LRRC37A3: variants seen among roughly 807,000 people sequenced by gnomAD.
LRRC37A3 encodes leucine-rich repeat-containing protein 37A3.
LRRC37A3 carries 25 observed loss-of-function variants against 106.2 expected under a neutral mutation model. That is an observed-to-expected ratio of 0.24 (90% CI 0.17 to 0.33). The LOEUF (loss-of-function observed/expected upper bound fraction) is 0.33. LRRC37A3 is among the 10% of genes least tolerant of loss of function. The pLI, the probability that LRRC37A3 is intolerant of heterozygous loss-of-function variation, is 1.00. For synonymous variants in LRRC37A3, 305 were observed against 635.8 expected (o/e 0.48, Z 7.83); for missense variants, 712 against 1,644.9 (o/e 0.43, Z 9.81).
At chr17:64,883,108 T>C (rs1973758557) in intron 8 of LRRC37A3, among the ~76,000 whole-genome samples, 2 of 152,216 alleles carry the variant, frequency 1.3e-5, no homozygotes, top group Admixed American at 6.5e-5. Flanking sequence ...GATATGATTA[T>C]TGCCCCCATT....
chr17:64,870,017 T>C lies in LRRC37A3; in HGVS notation c.2907-851A>G, dbSNP rs561763490. Among the ~76,000 whole-genome samples the C allele has an allele frequency of 2.3e-3, 350 of 151,180 alleles. 1 individual carries two copies. Among genetic ancestry groups the C allele is most frequent in the African/African-American group, 8.0e-3 (327 of 40,740 alleles). ...GTATGACATCACAGCCTTTCTTACA[T>C]TGCATGTAATCACCTGTCCACTTGT... On this transcript the variant is annotated intron_variant, in intron 8 of 14. Transcript: ENST00000584306.
chr17:64,877,487 C>G (rs1451481107), intron 8 of LRRC37A3, among the ~76,000 whole-genome samples: 2 of 152,196 alleles, frequency 1.3e-5, no homozygotes, highest in Non-Finnish European at 2.9e-5. Flanking sequence ...CAGGCATGAG[C>G]CACTGCACCC....
In LRRC37A3 at chr17:64,858,880, T is replaced by C; in HGVS notation, c.4708A>G (p.Thr1570Ala). ...TAGCCATATCCTGGAAGTTCTTTTG[T>C]GAACTAAAAAAAAAAAAACCAGAAT... is the stretch of plus-strand genomic sequence containing the variant. ...SEQKEKSLEF[T>A]KELPGYGYTK... Residue 1570 changes from threonine (T) to alanine (A), a missense_variant, in exon 13 of 15, where the codon ACA becomes GCA. Coordinates refer to ENST00000584306, the MANE Select transcript of LRRC37A3 (RefSeq NM_199340.5). The C allele has an allele frequency of 1.9e-6, 3 of 1,594,846 alleles. No individual in the cohort carries two copies. The highest frequency in any genetic ancestry group is 2.6e-6 in the Non-Finnish European group (3 of 1,171,090).
intron 8 of LRRC37A3, among the ~76,000 whole-genome samples, chr17:64,882,723 T>A (rs925053550): frequency 4.0e-5 from 6 of 151,762 alleles, no homozygotes; most frequent in African/African-American, 1.5e-4. Flanking sequence ...TGGCCACACC[T>A]ACCTCACTAA....
chr17:64,909,007 T>C (rs1974525015), intron 2 of LRRC37A3, among the ~76,000 whole-genome samples: 1 of 151,996 alleles, frequency 6.6e-6, no homozygotes, highest in South Asian at 2.1e-4. Flanking sequence ...ACTCCTCACC[T>C]CAGGTGATCC....
At chr17:64,908,888 C>T (rs1434804249) in intron 2 of LRRC37A3, among the ~76,000 whole-genome samples, 1 of 142,046 alleles carries the variant, frequency 7.0e-6, no homozygotes, top group Non-Finnish European at 1.5e-5. Flanking sequence ...CACAGGGATA[C>T]TCTGCCTCTC....
At chr17:64,876,706 C>T (rs1264364450) in intron 8 of LRRC37A3, among the ~76,000 whole-genome samples, 1 of 151,964 alleles carries the variant, frequency 6.6e-6, no homozygotes, top group Non-Finnish European at 1.5e-5. Flanking sequence ...AGACCTATGT[C>T]AAGTAAAGAG....
At chr17:64,866,630 T>TA (rs1973117797) in intron 10 of LRRC37A3, among the ~76,000 whole-genome samples, 37 of 15,590 alleles carry the variant, frequency 2.4e-3, no homozygotes, top group Non-Finnish European at 3.9e-3. Flanking sequence ...ATATATATAT[T>TA]TTTTTTTTTT....
At chr17:64,869,236 C>T in intron 8 of LRRC37A3, 70 bp from the exon 9 acceptor site, 1 of 1,596,804 alleles carries the variant, frequency 6.3e-7, no homozygotes, top group Non-Finnish European at 8.5e-7. Context: ...AGTTTACATT[C>T]ATTTTTTGGT....
chr17:64,914,245 T>G (rs1974656521), intron 2 of LRRC37A3, among the ~76,000 whole-genome samples: 1 of 151,868 alleles, frequency 6.6e-6, no homozygotes, highest in Non-Finnish European at 1.5e-5. Flanking sequence ...GTATCACAAA[T>G]TCTAAGATAT....
rs1402128288 is a variant in LRRC37A3, at chr17:64,883,985, AC to A, written c.2906+2100del. On this transcript the variant is annotated intron_variant, in intron 8 of 14. Transcript: ENST00000584306. ...CCTTTTTCTGTTGTTTAAGATGAAC[AC>A]AGAAACTCAAGATAAGCAAGTTAGT... Among the ~76,000 whole-genome samples the A allele has an allele frequency of 5.0e-4, 59 of 116,928 alleles. 1 individual carries two copies. The East Asian group carries it at 0.014, about 27-fold the overall frequency. 76.7% of individuals were successfully genotyped at this position (116,928 alleles called of 152,430 possible).
intron 2 of LRRC37A3, among the ~76,000 whole-genome samples, chr17:64,917,876 G>C (rs2143643776): frequency 6.8e-6 from 1 of 147,734 alleles, no homozygotes; most frequent in Admixed American, 6.6e-5. Context: ...GCTGAGACAG[G>C]AGAATCGCTT....
At chr17:64,870,810 C>T (rs1973288159) in intron 8 of LRRC37A3, among the ~76,000 whole-genome samples, 1 of 150,086 alleles carries the variant, frequency 6.7e-6, no homozygotes, top group South Asian at 2.1e-4. Context: ...TCCTTCCTTC[C>T]CTCCCCCTTC....
chr17:64,863,059 G>A (rs747311570), intron 10 of LRRC37A3, 41 bp from the exon 11 acceptor site: 107 of 1,596,550 alleles, frequency 6.7e-5, no homozygotes, highest in African/African-American at 8.0e-5. Context: ...GCGGTAAAGC[G>A]GTTACTTGAG....
At chr17:64,872,210 CA>C (rs60703427) in intron 8 of LRRC37A3, among the ~76,000 whole-genome samples, 3,190 of 61,836 alleles carry the variant, frequency 0.052, 108 homozygotes, top group African/African-American at 0.13. Context: ...AAAAAATAGC[CA>C]AAAAAAAAAA....
intron 1 of LRRC37A3, among the ~76,000 whole-genome samples, chr17:64,919,223 G>A (rs1164003712): frequency 6.6e-6 from 1 of 151,992 alleles, no homozygotes; most frequent in Non-Finnish European, 1.5e-5. Context: ...AGGGAGCCGC[G>A]GGCTGCTTGG....
At chr17:64,863,490 T>C (rs1245368094) in intron 10 of LRRC37A3, 2 of 169,584 alleles carry the variant, frequency 1.2e-5, no homozygotes, top group East Asian at 3.5e-4. Flanking sequence ...ACTGCATTGG[T>C]CAAATCTGGA....
At chr17:64,910,838 C>T (rs1200939194) in intron 2 of LRRC37A3, among the ~76,000 whole-genome samples, 4 of 149,266 alleles carry the variant, frequency 2.7e-5, no homozygotes, top group Non-Finnish European at 5.9e-5. Flanking sequence ...GACGGGGTCT[C>T]ACCATGTTGG....
At chr17:64,857,164 G>C (rs1345994213) in intron 13 of LRRC37A3, among the ~76,000 whole-genome samples, 2 of 152,166 alleles carry the variant, frequency 1.3e-5, no homozygotes, top group Admixed American at 6.5e-5. Context: ...CAATACAGTG[G>C]CTATCTACAA....
Sources: gnomAD v4.1 joint callset for allele counts (sites outside exome capture counted in the v4.1 genomes callset) on GRCh38, gnomAD v4.1.1 for gene constraint, MANE v1.5 for transcripts, NCBI Gene and HGNC (gene_info 2026-07-23, HGNC 2026-07-21) for gene names.